Variants in GRM3 observed in about 807,000 individuals in gnomAD.
GRM3 encodes metabotropic glutamate receptor 3.
In GRM3, 26 loss-of-function variants were observed where a neutral mutation model predicts 70.5. That is an observed-to-expected ratio of 0.37 (90% confidence interval 0.27 to 0.51). The LOEUF (loss-of-function observed/expected upper bound fraction) is 0.51, where lower values mean the gene tolerates loss of function less well. GRM3 is among the 20% of genes least tolerant of loss of function. The pLI, the probability that GRM3 is intolerant of heterozygous loss-of-function variation, is 0.93. For synonymous variants in GRM3, 443 were observed against 434.9 expected (o/e 1.02, Z -0.23); for missense variants, 859 against 1,123.8 (o/e 0.76, Z 3.37).
intron 3 of GRM3, among the ~76,000 whole-genome samples, chr7:86,791,545 G>T (rs558508733): frequency 1.3e-5 from 2 of 151,818 alleles, no homozygotes; most frequent in African/African-American, 4.8e-5. Flanking sequence ...TAGTAACAGG[G>T]GCCAGGACTG....
At chr7:86,845,232 C>G (rs542641996) in intron 4 of GRM3, among the ~76,000 whole-genome samples, 75 of 152,262 alleles carry the variant, frequency 4.9e-4, no homozygotes, top group African/African-American at 1.8e-3. Context: ...GGCTAGGACA[C>G]CTGCATAAGC....
intron 1 of GRM3, among the ~76,000 whole-genome samples, chr7:86,749,732 A>T (rs1355976371): frequency 3.3e-5 from 5 of 152,078 alleles, no homozygotes; most frequent in Admixed American, 3.3e-4. Context: ...CAACACAAAT[A>T]TGTTCTAGGA....
chr7:86,681,219 T>A (rs1794432862), intron 1 of GRM3, among the ~76,000 whole-genome samples: 1 of 152,090 alleles, frequency 6.6e-6, no homozygotes, highest in African/African-American at 2.4e-5. Flanking sequence ...TTCAAACAAT[T>A]AGAGCTGTAA....
intron 3 of GRM3, among the ~76,000 whole-genome samples, chr7:86,828,469 A>T (rs1315266269): frequency 6.6e-6 from 1 of 152,238 alleles, no homozygotes; most frequent in Non-Finnish European, 1.5e-5. Flanking sequence ...AGCAAAATTC[A>T]CGATAAAGCA....
intron 3 of GRM3, among the ~76,000 whole-genome samples, chr7:86,825,651 T>G (rs942552312): frequency 9.9e-5 from 15 of 152,238 alleles, no homozygotes; most frequent in Admixed American, 7.2e-4. Context: ...AGTTACTGCA[T>G]GCTTAGCTGC....
At chr7:86,787,283 T>C (rs529565928) in intron 3 of GRM3, among the ~76,000 whole-genome samples, 167 bp downstream of exon 3, 2 of 152,232 alleles carry the variant, frequency 1.3e-5, no homozygotes, top group Non-Finnish European at 2.9e-5. Flanking sequence ...TCTAACATTC[T>C]TACTCATTTC....
chr7:86,717,926 G>C (rs1300045285), intron 1 of GRM3, among the ~76,000 whole-genome samples: 1 of 139,482 alleles, frequency 7.2e-6, no homozygotes, highest in Non-Finnish European at 1.5e-5. Context: ...ACTTTAAGTA[G>C]AAAATACAGT....
intron 3 of GRM3, among the ~76,000 whole-genome samples, chr7:86,789,774 A>G (rs1797359829): frequency 6.6e-6 from 1 of 152,220 alleles, no homozygotes; most frequent in Admixed American, 6.5e-5. Flanking sequence ...AGGATTAAAA[A>G]ACTAGGCCTC....
chr7:86,843,378 A>G (rs1196787455), intron 4 of GRM3, among the ~76,000 whole-genome samples: 1 of 152,170 alleles, frequency 6.6e-6, no homozygotes, highest in Non-Finnish European at 1.5e-5. Context: ...GACGGATTTG[A>G]AAGGGTAGAG....
At position 86,864,183 on chromosome 7, in the gene GRM3, C is replaced by CT. The variant is rs1419466313; in HGVS notation, c.2567-97dup. On this transcript the variant is annotated intron_variant, in intron 5 of 5. Transcript: ENST00000361669. ...TTTTATCCCTCACCTCCTTCCCACC[C>CT]TTCCCCCCGAGTCCCCAAAGTCCAT... 7.7e-5 allele frequency: 56 copies of CT among 730,134 alleles called. No homozygotes were observed. In the East Asian group the frequency reaches 1.3e-3, roughly 17 times the overall value. 45.2% of individuals were successfully genotyped at this position (730,134 alleles called of 1,614,324 possible).
intron 2 of GRM3, among the ~76,000 whole-genome samples, chr7:86,776,335 C>T (rs1396753265): frequency 6.6e-6 from 1 of 152,142 alleles, no homozygotes; most frequent in South Asian, 2.1e-4. Context: ...CAATGCTGGC[C>T]TGATTCCAAC....
chr7:86,780,998 G>A (rs1333148732), intron 2 of GRM3, among the ~76,000 whole-genome samples: 1 of 152,148 alleles, frequency 6.6e-6, no homozygotes, highest in African/African-American at 2.4e-5. Context: ...GGATAAATAT[G>A]ACAAAAGTGA....
At chr7:86,700,262 TAATCA>T (rs1562830472) in intron 1 of GRM3, among the ~76,000 whole-genome samples, 1 of 152,024 alleles carries the variant, frequency 6.6e-6, no homozygotes, top group Non-Finnish European at 1.5e-5. Context: ...AGCCAATTCA[TAATCA>T]AAAAATAATT....
chr7:86,704,923 A>G (rs1277507071), intron 1 of GRM3, among the ~76,000 whole-genome samples: 90 of 151,850 alleles, frequency 5.9e-4, no homozygotes, highest in Non-Finnish European at 4.4e-5. Flanking sequence ...AAAACTAAGG[A>G]CAAGTCAATC....
Position 86,828,018 on chromosome 7 carries a change from G to A in GRM3, c.1325-10821G>A, listed in dbSNP as rs149257752. The stretch of plus-strand genomic sequence containing the variant: ...TCCCAGGTACTCGGGAGGCTGAGGC[G>A]GGAGAATGGTGTGAACCCGGGAGGC... On this transcript the variant is annotated intron_variant, in intron 3 of 5. Transcript: ENST00000361669. 5.7e-3 allele frequency among the ~76,000 whole-genome samples: 865 copies of A among 151,468 alleles called. 4 individuals carry two copies. The highest frequency in any genetic ancestry group is 0.019 in the African/African-American group (803 of 41,318).
intron 3 of GRM3, among the ~76,000 whole-genome samples, chr7:86,812,012 C>T (rs1362681500): frequency 6.6e-6 from 1 of 151,518 alleles, no homozygotes; most frequent in African/African-American, 2.4e-5. Context: ...ACAGACTGTA[C>T]ACTCAGTAAT....
chr7:86,850,511 A>C lies in GRM3; in HGVS notation c.2533A>C (p.Ser845Arg). 1 of 1,611,432 alleles carries C rather than the reference A, an allele frequency of 6.2e-7. No homozygotes were observed. The highest frequency in any genetic ancestry group is 8.5e-7 in the Non-Finnish European group (1 of 1,177,698). The change falls in exon 5 of 6, where the codon AGT becomes CGT. Residue 845 changes from serine to arginine, a missense_variant. Coordinates refer to ENST00000361669, the MANE Select transcript of GRM3 (RefSeq NM_000840.3). ...ACACAGACTGCACCTCAACAGGTTC[A>C]GTGTCAGTGGAACTGGGACCACATA... ...VTHRLHLNRF[S>R]VSGTGTTYSQ...
At chr7:86,742,510 T>C (rs1440015091) in intron 1 of GRM3, among the ~76,000 whole-genome samples, 3 of 152,124 alleles carry the variant, frequency 2.0e-5, no homozygotes, top group African/African-American at 4.8e-5. Flanking sequence ...GAAATATTTC[T>C]GGAAAATACA....
At chr7:86,824,387 A>G (rs1182207126) in intron 3 of GRM3, among the ~76,000 whole-genome samples, 1 of 152,230 alleles carries the variant, frequency 6.6e-6, no homozygotes, top group Non-Finnish European at 1.5e-5. Flanking sequence ...TTCTGCACTG[A>G]GATATCAGAT....
Sources: gnomAD v4.1 joint callset for allele counts (sites outside exome capture counted in the v4.1 genomes callset) on GRCh38, gnomAD v4.1.1 for gene constraint, MANE v1.5 for transcripts, NCBI Gene and HGNC (gene_info 2026-07-23, HGNC 2026-07-21) for gene names.